ZNF609: variants seen among roughly 807,000 people sequenced by gnomAD.
ZNF609 encodes zinc finger protein 609.
ZNF609 carries 11 observed loss-of-function variants against 109.5 expected under a neutral mutation model. The observed-to-expected ratio is 0.10, with a 90% CI of 0.06 to 0.17. The LOEUF (loss-of-function observed/expected upper bound fraction) is 0.17. Ranked by LOEUF, ZNF609 falls within the 10% of genes least tolerant of loss-of-function variation. The pLI is 1.00. For synonymous variants in ZNF609, 646 were observed against 662.0 expected (o/e 0.98, Z 0.37); for missense variants, 1,559 against 1,772.4 (o/e 0.88, Z 2.16).
At chr15:64,661,029 A>T (rs773436752) in intron 3 of ZNF609, among the ~76,000 whole-genome samples, 5 of 151,620 alleles carry the variant, frequency 3.3e-5, no homozygotes, top group Non-Finnish European at 7.4e-5. Context: ...CGTGATGTGG[A>T]CTCACTGCTG....
At chr15:64,590,980 T>C (rs1386599969) in intron 2 of ZNF609, among the ~76,000 whole-genome samples, 1 of 152,114 alleles carries the variant, frequency 6.6e-6, no homozygotes, top group East Asian at 1.9e-4. Context: ...ATGTAGGCAA[T>C]ACCATAGAGT....
intron 1 of ZNF609, among the ~76,000 whole-genome samples, chr15:64,491,845 A>C (rs1893417507): frequency 6.6e-6 from 1 of 151,800 alleles, no homozygotes; most frequent in Non-Finnish European, 1.5e-5. Context: ...ATTCCGTCTC[A>C]AAAATAAATA....
intron 3 of ZNF609, among the ~76,000 whole-genome samples, chr15:64,634,556 T>C (rs1896142358): frequency 6.6e-6 from 1 of 152,232 alleles, no homozygotes. Context: ...TAATTTTAGA[T>C]ATTTGCACTA....
At chr15:64,649,957 G>A (rs144252361) in intron 3 of ZNF609, among the ~76,000 whole-genome samples, 1 of 151,904 alleles carries the variant, frequency 6.6e-6, no homozygotes. Context: ...CAGTCATAGG[G>A]ACACACTTTG....
At chr15:64,617,317 C>T (rs191717723) in intron 2 of ZNF609, among the ~76,000 whole-genome samples, 92 of 150,890 alleles carry the variant, frequency 6.1e-4, no homozygotes, top group African/African-American at 2.0e-3. Flanking sequence ...CCACCATTCC[C>T]GGCCAAAAAA....
At chr15:64,501,315 T>C (rs973535660) in intron 2 of ZNF609, 2 of 152,302 alleles carry the variant, frequency 1.3e-5, no homozygotes, top group Admixed American at 6.5e-5. Flanking sequence ...CAGTGGTAGC[T>C]CATGCTTTCT....
intron 3 of ZNF609, chr15:64,631,084 A>G: frequency 2.2e-6 from 1 of 445,464 alleles, no homozygotes; most frequent in Non-Finnish European, 4.2e-6. Flanking sequence ...TACAGTCCTG[A>G]GGTCTTTTAT....
At chr15:64,656,914 C>A (rs1181654523) in intron 3 of ZNF609, among the ~76,000 whole-genome samples, 4 of 152,148 alleles carry the variant, frequency 2.6e-5, no homozygotes, top group Non-Finnish European at 5.9e-5. Flanking sequence ...GTAGCCATAT[C>A]TCTATTCTGT....
intron 2 of ZNF609, among the ~76,000 whole-genome samples, chr15:64,532,320 A>G (rs960670726): frequency 2.6e-5 from 4 of 152,088 alleles, no homozygotes; most frequent in Non-Finnish European, 5.9e-5. Context: ...ATACTTTATT[A>G]TGCTTATTGT....
At chr15:64,673,367 A>G (rs367910208) in intron 4 of ZNF609, among the ~76,000 whole-genome samples, 52 of 152,326 alleles carry the variant, frequency 3.4e-4, no homozygotes, top group Non-Finnish European at 6.2e-4. Context: ...TTTAGGGCCT[A>G]TGAGGAGTGA....
chr15:64,535,624 T>G (rs1257422650), intron 2 of ZNF609, among the ~76,000 whole-genome samples: 2 of 152,218 alleles, frequency 1.3e-5, no homozygotes, highest in African/African-American at 4.8e-5. Context: ...ACATAAGTTT[T>G]CATTTCTCTG....
intron 3 of ZNF609, among the ~76,000 whole-genome samples, chr15:64,640,018 C>T (rs774292929): frequency 9.9e-5 from 15 of 152,106 alleles, no homozygotes; most frequent in Non-Finnish European, 1.8e-4. Flanking sequence ...CTCCTGGGTT[C>T]AAGCGATTCT....
At chr15:64,597,345 G>C (rs186699853) in intron 2 of ZNF609, among the ~76,000 whole-genome samples, 1 of 152,104 alleles carries the variant, frequency 6.6e-6, no homozygotes, top group African/African-American at 2.4e-5. Context: ...TCAGGGAAAG[G>C]AGGTTACCAC....
chr15:64,571,590 A>G (rs1267183581), intron 2 of ZNF609, among the ~76,000 whole-genome samples: 2 of 152,180 alleles, frequency 1.3e-5, no homozygotes, highest in East Asian at 3.8e-4. Context: ...TCCATTTTAC[A>G]TATGGGTAAA....
chr15:64,617,369 G>A (rs1039004198), intron 2 of ZNF609, among the ~76,000 whole-genome samples: 2 of 151,778 alleles, frequency 1.3e-5, no homozygotes, highest in African/African-American at 4.8e-5. Context: ...TGGTGCACGT[G>A]TAGTCCCAGC....
At position 64,684,039 on chromosome 15, in the gene ZNF609, G is replaced by A. The variant is rs929911860; in HGVS notation, c.*2353G>A. On this transcript the variant is annotated 3_prime_UTR_variant, in exon 10 of 10. Coordinates refer to ENST00000326648, the MANE Select transcript of ZNF609 (RefSeq NM_015042.2). ...TCCTCATATCCAAGTCTCCCCTGAA[G>A]AGTAGGAGCTGCTCAGAAGAGCAGG... 13 of 152,340 alleles carry A rather than the reference G, an allele frequency of 8.5e-5. No homozygotes were observed. Among genetic ancestry groups the A allele is most frequent in the African/African-American group, 3.1e-4 (13 of 41,582 alleles). The allele number at this position is 152,340 out of a possible 1,614,324, so 9.4% of individuals were successfully genotyped here.
chr15:64,554,155 A>AT, intron 2 of ZNF609, among the ~76,000 whole-genome samples: 1 of 152,180 alleles, frequency 6.6e-6, no homozygotes. Context: ...CTTATTCCTG[A>AT]TTTTAAGGGG....
chr15:64,475,994 G>T (rs183561689), intron 1 of ZNF609, among the ~76,000 whole-genome samples: 5 of 152,172 alleles, frequency 3.3e-5, no homozygotes, highest in Non-Finnish European at 7.3e-5. Flanking sequence ...AAATTGTTCA[G>T]ATTCAAGGAC....
chr15:64,486,875 C>T (rs552796560), intron 1 of ZNF609, among the ~76,000 whole-genome samples: 2 of 152,294 alleles, frequency 1.3e-5, no homozygotes, highest in African/African-American at 4.8e-5. Context: ...GCTGGCATTA[C>T]AGGTGTGAGC....
Sources: gnomAD v4.1 joint callset for allele counts (sites outside exome capture counted in the v4.1 genomes callset) on GRCh38, gnomAD v4.1.1 for gene constraint, MANE v1.5 for transcripts, NCBI Gene and HGNC (gene_info 2026-07-23, HGNC 2026-07-21) for gene names.